The following PITPNM1 variants were observed in gnomAD, a reference collection of about 807,000 sequenced individuals.
The protein encoded by PITPNM1 is phosphatidylinositol transfer protein membrane associated 1.
In PITPNM1, 74 loss-of-function variants were observed where a neutral mutation model predicts 133.3. The ratio of observed to expected loss-of-function variants is 0.56; its 90% CI spans 0.46 to 0.67. PITPNM1 has a LOEUF of 0.67. Ranked by LOEUF, PITPNM1 falls within the 30% of genes least tolerant of loss-of-function variation. The pLI is 0.00. For missense variants in PITPNM1, 1,398 were observed against 1,739.5 expected (o/e 0.80, Z 3.49); for synonymous variants, 738 against 741.4 (o/e 1.00, Z 0.08).
chr11:67,499,027 G>C, intron 8 of PITPNM1, 26 bp from the exon 9 acceptor site: 1 of 1,595,880 alleles, frequency 6.3e-7, no homozygotes. Flanking sequence ...GCCAGTGAGA[G>C]GGACGGAGAG....
chr11:67,498,471 C>T lies in PITPNM1; in HGVS notation c.1484+125G>A. The T allele has an allele frequency of 6.8e-7, 1 of 1,462,418 alleles. No individual in the cohort carries two copies. The highest frequency in any genetic ancestry group is 2.0e-5 in the Admixed American group (1 of 51,200). The allele number at this position is 1,462,418 out of a possible 1,614,324, so 90.6% of individuals were successfully genotyped here. A position where few individuals can be genotyped will look rare whatever the true frequency, so the allele number is the denominator to read the frequency against. ...AGGCAACTGAAATGGAGCCATTCTC[C>T]AGAACAGGTCCAGCCATGCCAGTGA... On this transcript the variant is annotated intron_variant, in intron 10 of 23. Transcript: ENST00000356404. The surrounding 1 kb of genome is among the most constrained non-coding windows in gnomAD (Gnocchi z 5.7).
At position 67,497,423 on chromosome 11, in the gene PITPNM1, G is replaced by A. The variant is rs1246332878; in HGVS notation, c.1954C>T (p.Pro652Ser). Reference sequence around the variant, plus strand: ...GGCTCCCAGGAGGAGGTGGTTGCGGGGGCTGCCTGAAGGCTGTGGGGGAGG... The same window carrying A: ...GGCTCCCAGGAGGAGGTGGTTGCGGAGGCTGCCTGAAGGCTGTGGGGGAGG... ...EGSQNSLQAA[P>S]ATTSSWEPRR... The change falls in exon 14 of 24, where the codon CCC becomes TCC. Residue 652 changes from proline (P) to serine (S), a missense_variant. Transcript: ENST00000356404. The A allele has an allele frequency of 6.3e-7, 1 of 1,590,122 alleles. No individual in the cohort carries two copies. Among genetic ancestry groups the A allele is most frequent in the Non-Finnish European group, 8.6e-7 (1 of 1,166,138 alleles).
chr11:67,499,080 T>C, intron 8 of PITPNM1, 79 bp from the exon 9 acceptor site: 1 of 1,414,802 alleles, frequency 7.1e-7, no homozygotes, highest in East Asian at 2.3e-5. Flanking sequence ...GCACCCCAGT[T>C]CTGGCATCTG....
Position 67,494,236 on chromosome 11 carries a change from G to T in PITPNM1, c.2859+8C>A. ...TGGGACCAGGCGACAGGGCCTCTGG[G>T]TCCTGACCTTCTCTCCAGTGAGCGT... On this transcript the variant is annotated splice_region_variant and intron_variant, in intron 19 of 23. Coordinates refer to ENST00000356404, the MANE Select transcript of PITPNM1 (RefSeq NM_004910.3). The T allele has an allele frequency of 6.2e-7, 1 of 1,610,036 alleles. No individual in the cohort carries two copies. Among genetic ancestry groups the T allele is most frequent in the Non-Finnish European group, 8.5e-7 (1 of 1,177,446 alleles).
Position 67,504,035 on chromosome 11 carries a change from G to T in PITPNM1, c.78+68C>A. Reference sequence around the variant, plus strand: ...CGGGCTCCCAGCCGGTCCCAGCCCCGGGGCAGGGCTGGCGGGGTCGGCAGG... The same window carrying T: ...CGGGCTCCCAGCCGGTCCCAGCCCCTGGGCAGGGCTGGCGGGGTCGGCAGG... On this transcript the variant is annotated intron_variant, in intron 2 of 23. Transcript: ENST00000356404. The surrounding 1 kb of genome is among the most constrained non-coding windows in gnomAD (Gnocchi z 5.4). The T allele has an allele frequency of 7.8e-7, 1 of 1,287,704 alleles. No homozygotes were observed. Among genetic ancestry groups the T allele is most frequent in the African/African-American group, 1.5e-5 (1 of 67,064 alleles). The allele number at this position is 1,287,704 out of a possible 1,614,324, so 79.8% of individuals were successfully genotyped here. A position where few individuals can be genotyped will look rare whatever the true frequency, so the allele number is the denominator to read the frequency against.
chr11:67,502,128 G>A lies in PITPNM1; in HGVS notation c.416-42C>T, dbSNP rs572725905. The A allele has an allele frequency of 6.9e-6, 11 of 1,585,708 alleles. No individual in the cohort carries two copies. Among genetic ancestry groups the A allele is most frequent in the African/African-American group, 6.7e-5 (5 of 74,376 alleles). On this transcript the variant is annotated intron_variant, in intron 4 of 23. Transcript: ENST00000356404. This position sits in a 1 kb window ranked among gnomAD's most constrained non-coding sequence, Gnocchi z 5.9. ...AGCATTGAGCAGCGCCAGCCCCTTT[G>A]AGCCCCCGCTCCTGGCACCCTCTTG...
chr11:67,497,119 T>C, intron 14 of PITPNM1, 112 bp downstream of exon 14: 1 of 863,410 alleles, frequency 1.2e-6, no homozygotes, highest in Non-Finnish European at 1.7e-6. Context: ...GGCCTTTGAA[T>C]TAGTACAGTG....
chr11:67,502,072 C>G lies in PITPNM1; in HGVS notation c.430G>C (p.Val144Leu). The G allele has an allele frequency of 6.2e-7, 1 of 1,612,302 alleles. No individual in the cohort carries two copies. Among genetic ancestry groups the G allele is most frequent in the East Asian group, 2.2e-5 (1 of 44,848 alleles). ...TCGCCTGGGGCCACTGCATCCCGCA[C>G]GATGTCGATGGTGTCTGAGGGAGTT... ...RQRILDTIDIVRDAVAPGEYK... is the reference protein window; with the variant it reads ...RQRILDTIDILRDAVAPGEYK... Residue 144 changes from valine to leucine, a missense_variant, in exon 5 of 24, where the codon GTG (valine) becomes CTG (leucine). Val to Leu is a conservative substitution (Grantham distance 32, BLOSUM62 1). Around this residue, in one of 5 missense-constraint regions of PITPNM1, gnomAD observed 274 missense variants for 360.7 expected, o/e 0.76. Coordinates refer to ENST00000356404, the MANE Select transcript of PITPNM1 (RefSeq NM_004910.3). The surrounding 1 kb of genome is among the most constrained non-coding windows in gnomAD (Gnocchi z 5.9).
intron 14 of PITPNM1, chr11:67,496,557 C>A (rs770244637): frequency 5.8e-6 from 3 of 519,612 alleles, no homozygotes; most frequent in Non-Finnish European, 1.0e-5. Context: ...CCCAGTACTG[C>A]GGGAGGCAGA....
chr11:67,503,962 A>C, intron 2 of PITPNM1, 141 bp downstream of exon 2: 1 of 588,046 alleles, frequency 1.7e-6, no homozygotes, highest in Non-Finnish European at 2.9e-6. Context: ...CTCTTCCCAC[A>C]GTCCTTCCCC....
chr11:67,493,168 C>G lies in PITPNM1; in HGVS notation c.3343-106G>C, dbSNP rs184028661. 4,540 of 1,399,198 alleles carry G rather than the reference C, an allele frequency of 3.2e-3. 14 individuals carry two copies. The highest frequency in any genetic ancestry group is 3.9e-3 in the Non-Finnish European group (3,915 of 1,002,684). The allele number at this position is 1,399,198 out of a possible 1,614,324, so 86.7% of individuals were successfully genotyped here. A position where few individuals can be genotyped will look rare whatever the true frequency, so the allele number is the denominator to read the frequency against. Reference sequence around the variant, plus strand: ...TGTTCTGGGGGTGGGTCCAGGCAGACGGAGGCGAAGACAGGTCCCAGTCCC... The same window carrying G: ...TGTTCTGGGGGTGGGTCCAGGCAGAGGGAGGCGAAGACAGGTCCCAGTCCC... On this transcript the variant is annotated intron_variant, in intron 22 of 23. Transcript: ENST00000356404.
chr11:67,494,494 A>C, intron 18 of PITPNM1, 134 bp from the exon 19 acceptor site: 1 of 669,116 alleles, frequency 1.5e-6, no homozygotes, highest in Non-Finnish European at 2.5e-6. Context: ...GGAAAAGGGC[A>C]AGCCCGGGGG....
chr11:67,497,098 T>G, intron 14 of PITPNM1, 133 bp downstream of exon 14: 2 of 735,094 alleles, frequency 2.7e-6, no homozygotes, highest in Non-Finnish European at 4.2e-6. Flanking sequence ...CAGGTTCCCC[T>G]TCTGTAGCCA....
chr11:67,493,906 G>A lies in PITPNM1; in HGVS notation c.3008+16C>T, dbSNP rs201567107. 4.1e-5 allele frequency: 63 copies of A among 1,533,720 alleles called. No individual in the cohort carries two copies. In the East Asian group the frequency reaches 1.4e-3, roughly 33 times the overall value. On this transcript the variant is annotated intron_variant, in intron 20 of 23. Coordinates refer to ENST00000356404, the MANE Select transcript of PITPNM1 (RefSeq NM_004910.3). ...TGGCGGAGCCCTCCCGCAGAGGCCC[G>A]GCCAGCCGCGCTCACCTGACCACCA...
chr11:67,505,949 C>A (rs1198991501), upstream of PITPNM1, among the ~76,000 whole-genome samples: 1 of 152,232 alleles, frequency 6.6e-6, no homozygotes, highest in Non-Finnish European at 1.5e-5. The surrounding 1 kb of genome is among the most constrained non-coding windows in gnomAD (Gnocchi z 5.8). Flanking sequence ...GGAGTCTGGG[C>A]AAAGGCCTCA....
At chr11:67,495,029 C>T (rs747065954) in intron 17 of PITPNM1, 48 bp downstream of exon 17, 2 of 1,608,248 alleles carry the variant, frequency 1.2e-6, no homozygotes, top group South Asian at 1.1e-5. Flanking sequence ...CCCAAAGCAG[C>T]CCATCCCCGT....
chr11:67,501,752 A>T, intron 5 of PITPNM1, 110 bp downstream of exon 5: 1 of 965,976 alleles, frequency 1.0e-6, no homozygotes, highest in Non-Finnish European at 1.5e-6. Flanking sequence ...CTCAAATGGA[A>T]ACGATGGCTT....
chr11:67,499,122 A>C, intron 8 of PITPNM1, 121 bp from the exon 9 acceptor site: 1 of 923,964 alleles, frequency 1.1e-6, no homozygotes, highest in Non-Finnish European at 1.6e-6. Context: ...CTTCCTCCAA[A>C]CTTCTCCTCC....
At position 67,491,890 on chromosome 11, in the gene PITPNM1, C is replaced by T. The variant is rs745528141; in HGVS notation, c.*143G>A. 1.6e-4 allele frequency: 148 copies of T among 919,376 alleles called. No homozygotes were observed. The highest frequency in any genetic ancestry group is 1.1e-3 in the South Asian group (67 of 58,860). 57.0% of individuals were successfully genotyped at this position (919,376 alleles called of 1,614,324 possible). A position where few individuals can be genotyped will look rare whatever the true frequency, so the allele number is the denominator to read the frequency against. ...CCCTCATATGAAAGGGAAGTAACACCGAGGAGCACACGGAGATATAGGGTG... is the reference window on the plus strand; with the variant it reads ...CCCTCATATGAAAGGGAAGTAACACTGAGGAGCACACGGAGATATAGGGTG... On this transcript the variant is annotated 3_prime_UTR_variant, in exon 24 of 24. Transcript: ENST00000356404.
Sources: allele counts gnomAD v4.1 joint callset (sites outside exome capture counted in the v4.1 genomes callset), GRCh38; gene constraint gnomAD v4.1.1; regional missense constraint gnomAD v4.1.1; non-coding constraint Gnocchi (gnomAD v3.1); transcripts MANE v1.5; gene names NCBI Gene and HGNC (gene_info 2026-07-23, HGNC 2026-07-21).